The following ARL15 variants were observed in gnomAD, a reference collection of about 807,000 sequenced individuals.
ARL15 encodes ARF like GTPase 15, also known as ADP-ribosylation factor-like protein 15.
ARL15 carries 19 observed loss-of-function variants against 25.2 expected under a neutral mutation model. That is an observed-to-expected ratio of 0.75 (90% CI 0.53 to 1.10). The LOEUF (loss-of-function observed/expected upper bound fraction) is 1.10. ARL15 is among the 50% of genes least tolerant of loss of function. The probability of loss-of-function intolerance (pLI) is 0.00; values close to 1 mark genes in which losing one functional copy is unlikely to be tolerated. For synonymous variants in ARL15, 94 were observed against 86.8 expected, an observed-to-expected ratio of 1.08 and a Z score of -0.46; for missense variants, 220 against 246.0, an observed-to-expected ratio of 0.89 and a Z score of 0.71.
chr5:54,099,409 G>A (rs10471887), intron 4 of ARL15, among the ~76,000 whole-genome samples: 1 of 151,634 alleles, frequency 6.6e-6, no homozygotes, highest in Non-Finnish European at 1.5e-5. Flanking sequence ...ATTTCTGCCC[G>A]CAATACCACA....
chr5:53,941,258 T>C, intron 4 of ARL15, among the ~76,000 whole-genome samples: 2 of 152,206 alleles, frequency 1.3e-5, no homozygotes, highest in South Asian at 4.2e-4. Context: ...AAATTCACAA[T>C]AAAATGTGCC....
intron 4 of ARL15, among the ~76,000 whole-genome samples, chr5:53,985,646 C>G (rs960428633): frequency 3.9e-5 from 6 of 152,138 alleles, no homozygotes; most frequent in African/African-American, 1.4e-4. Context: ...GAATTCCCTT[C>G]CTTTTTAAGG....
chr5:54,137,826 T>C (rs915616269), intron 3 of ARL15, among the ~76,000 whole-genome samples: 1 of 152,042 alleles, frequency 6.6e-6, no homozygotes, highest in East Asian at 1.9e-4. Flanking sequence ...TAGTTGGGCA[T>C]GGTGGATTTC....
At chr5:53,982,850 G>C (rs561434780) in intron 4 of ARL15, among the ~76,000 whole-genome samples, 18 of 152,244 alleles carry the variant, frequency 1.2e-4, no homozygotes, top group African/African-American at 4.1e-4. Flanking sequence ...GGCACCTGTT[G>C]TTTCCTGACT....
chr5:54,259,155 A>G lies in ARL15; in HGVS notation c.48+51277T>C, dbSNP rs111489082. ...GACCCAGTATTCATCAGGCCTCTAA[A>G]CAAAGAACAGAACAGCCTGGGGTCA... is the stretch of plus-strand genomic sequence containing the variant. On this transcript the variant is annotated intron_variant, in intron 1 of 4. Transcript: ENST00000504924. 5.3e-3 allele frequency among the ~76,000 whole-genome samples: 801 copies of G among 152,260 alleles called. 8 individuals carry two copies. Among genetic ancestry groups the G allele is most frequent in the African/African-American group, 0.018 (755 of 41,562 alleles).
chr5:54,242,894 GAAAA>G (rs900477159), intron 1 of ARL15, among the ~76,000 whole-genome samples: 1 of 151,436 alleles, frequency 6.6e-6, no homozygotes, highest in Admixed American at 6.6e-5. Flanking sequence ...ATGCACAAAG[GAAAA>G]AAAATCTCTT....
intron 1 of ARL15, among the ~76,000 whole-genome samples, chr5:54,222,332 C>G (rs1353960920): frequency 6.6e-6 from 1 of 152,144 alleles, no homozygotes; most frequent in African/African-American, 2.4e-5. Flanking sequence ...AAGGAGCCCC[C>G]CAAAACCTTC....
chr5:54,011,663 T>G (rs553557572), intron 4 of ARL15, among the ~76,000 whole-genome samples: 1 of 152,116 alleles, frequency 6.6e-6, no homozygotes. Context: ...GAAGCTTGAA[T>G]GCAGGCAGTC....
intron 4 of ARL15, among the ~76,000 whole-genome samples, chr5:54,056,314 G>A (rs1043322867): frequency 2.0e-5 from 3 of 152,150 alleles, no homozygotes; most frequent in South Asian, 2.1e-4. Context: ...CAGAAGGGTC[G>A]GGGAAGGGGC....
At chr5:54,192,156 G>A (rs1023727079) in intron 1 of ARL15, among the ~76,000 whole-genome samples, 1 of 151,742 alleles carries the variant, frequency 6.6e-6, no homozygotes, top group African/African-American at 2.4e-5. Flanking sequence ...ATGGTTCATA[G>A]TCACTCCTTT....
chr5:54,161,123 T>A (rs1754389768), intron 2 of ARL15, among the ~76,000 whole-genome samples: 1 of 152,130 alleles, frequency 6.6e-6, no homozygotes, highest in South Asian at 2.1e-4. Flanking sequence ...TATATATTCT[T>A]CTAATCTATA....
intron 4 of ARL15, among the ~76,000 whole-genome samples, chr5:54,036,993 T>C (rs1309121156): frequency 6.6e-6 from 1 of 152,114 alleles, no homozygotes; most frequent in African/African-American, 2.4e-5. Flanking sequence ...TCTTGGTTTA[T>C]ATCTTTTATA....
At chr5:54,276,490 G>A (rs1313737384) in intron 1 of ARL15, among the ~76,000 whole-genome samples, 2 of 152,134 alleles carry the variant, frequency 1.3e-5, no homozygotes, top group East Asian at 3.9e-4. Context: ...AGGCTACACT[G>A]GTTTTCTTTT....
chr5:53,910,803 A>G (rs566690880), intron 4 of ARL15, among the ~76,000 whole-genome samples: 26 of 151,678 alleles, frequency 1.7e-4, no homozygotes, highest in Admixed American at 1.4e-3. Context: ...TCGTTTTTCA[A>G]AAACCCAGAG....
intron 3 of ARL15, among the ~76,000 whole-genome samples, chr5:54,121,114 GAATAGTA>G: frequency 6.6e-6 from 1 of 152,204 alleles, no homozygotes; most frequent in South Asian, 2.1e-4. Context: ...TTCAAAAGTG[GAATAGTA>G]AATTTGTCCC....
intron 4 of ARL15, among the ~76,000 whole-genome samples, chr5:54,110,215 C>G (rs1017533600): frequency 6.6e-6 from 1 of 151,932 alleles, no homozygotes; most frequent in Non-Finnish European, 1.5e-5. Flanking sequence ...GGGGAGGGGA[C>G]TACATATACA....
intron 4 of ARL15, among the ~76,000 whole-genome samples, chr5:54,049,563 CAAT>C (rs1212214729): frequency 1.5e-4 from 23 of 151,904 alleles, no homozygotes; most frequent in Admixed American, 9.2e-4. Context: ...TTAAATTAAT[CAAT>C]GATAGGCAAA....
chr5:54,231,893 G>C (rs1756680881), intron 1 of ARL15, among the ~76,000 whole-genome samples: 1 of 152,080 alleles, frequency 6.6e-6, no homozygotes. Flanking sequence ...TCCAAACGTA[G>C]TCACTGGGGG....
chr5:53,967,349 A>G (rs1415472788), intron 4 of ARL15, among the ~76,000 whole-genome samples: 1 of 152,216 alleles, frequency 6.6e-6, no homozygotes, highest in African/African-American at 2.4e-5. Context: ...AAAAGCATGT[A>G]AAAGTATTGA....
Sources: allele counts gnomAD v4.1 joint callset (sites outside exome capture counted in the v4.1 genomes callset), GRCh38; gene constraint gnomAD v4.1.1; transcripts MANE v1.5; gene names NCBI Gene and HGNC (gene_info 2026-07-23, HGNC 2026-07-21).